Variants in RARB observed in about 807,000 individuals in gnomAD.
RARB encodes retinoic acid receptor beta.
In RARB, 17 loss-of-function variants were observed where a neutral mutation model predicts 51.9. That is an observed-to-expected ratio of 0.33 (90% CI 0.22 to 0.49). The LOEUF (loss-of-function observed/expected upper bound fraction) is 0.49, where lower values mean the gene tolerates loss of function less well. RARB is among the 20% of genes least tolerant of loss of function. The pLI, the probability that RARB is intolerant of heterozygous loss-of-function variation, is 0.99. For missense variants in RARB, 369 were observed against 550.8 expected, an observed-to-expected ratio of 0.67 and a Z score of 3.30; for synonymous variants, 215 against 195.4, an observed-to-expected ratio of 1.10 and a Z score of -0.84.
chr3:24,937,508 T>C (rs1027639483), intron 2 of RARB, among the ~76,000 whole-genome samples: 2 of 152,164 alleles, frequency 1.3e-5, no homozygotes, highest in African/African-American at 4.8e-5. Context: ...GACATAAAAC[T>C]GCTTTCCATT....
At chr3:25,201,993 T>C (rs1313786142) in intron 5 of RARB, among the ~76,000 whole-genome samples, 1 of 152,198 alleles carries the variant, frequency 6.6e-6, no homozygotes, top group Non-Finnish European at 1.5e-5. Context: ...TTGATTGGAA[T>C]AGTTTCAGAA....
chr3:25,197,885 C>T (rs887174532), intron 5 of RARB, among the ~76,000 whole-genome samples: 1 of 151,872 alleles, frequency 6.6e-6, no homozygotes, highest in Admixed American at 6.6e-5. Flanking sequence ...TCAGAGCAAT[C>T]CCTAGCAAAA....
intron 3 of RARB, among the ~76,000 whole-genome samples, chr3:25,098,958 C>T (rs1434016790): frequency 2.0e-5 from 3 of 152,184 alleles, no homozygotes; most frequent in African/African-American, 7.2e-5. Flanking sequence ...TAAGATGCTG[C>T]AGCCTCATGA....
intron 5 of RARB, among the ~76,000 whole-genome samples, chr3:25,286,960 C>T (rs764409129): frequency 3.9e-5 from 6 of 152,186 alleles, no homozygotes; most frequent in South Asian, 4.1e-4. Flanking sequence ...CCCGATCACT[C>T]ATGATGCGCT....
chr3:24,848,364 T>TG (rs1702511615), intron 1 of RARB, among the ~76,000 whole-genome samples: 1 of 152,186 alleles, frequency 6.6e-6, no homozygotes, highest in African/African-American at 2.4e-5. Flanking sequence ...CCTGGCCCTG[T>TG]AAGGTTTTAA....
At chr3:25,298,245 C>T (rs1020613195) in intron 5 of RARB, among the ~76,000 whole-genome samples, 32 of 149,868 alleles carry the variant, frequency 2.1e-4, no homozygotes, top group Admixed American at 4.0e-4. Flanking sequence ...TGCAGTGGTG[C>T]GATCTTGGCT....
rs181694402 is a variant in RARB, at chr3:25,276,685, C to A, written c.178+102110C>A. On this transcript the variant is annotated intron_variant, in intron 5 of 11. Coordinates refer to the RARB transcript ENST00000383772. Reference sequence around the variant, plus strand: ...TAGACATAATGGGCTGAACACTTAGCATAGGAAAGGCCTAAAGAAAAGAAA... The same window carrying A: ...TAGACATAATGGGCTGAACACTTAGAATAGGAAAGGCCTAAAGAAAAGAAA... Among the ~76,000 whole-genome samples, 117 of 152,268 alleles carry A rather than the reference C, an allele frequency of 7.7e-4. 2 individuals are homozygous for A. The East Asian group carries it at 0.019, about 25-fold the overall frequency.
At chr3:25,005,679 T>C (rs1252563720) in intron 2 of RARB, among the ~76,000 whole-genome samples, 3 of 152,092 alleles carry the variant, frequency 2.0e-5, no homozygotes, top group Non-Finnish European at 4.4e-5. Context: ...CCCAATTTAG[T>C]GTGGGAGGGG....
chr3:25,274,260 C>A (rs1213729566), intron 5 of RARB, among the ~76,000 whole-genome samples: 1 of 152,172 alleles, frequency 6.6e-6, no homozygotes, highest in Non-Finnish European at 1.5e-5. Context: ...ACTAAGTGTT[C>A]AAAATCCAGT....
At chr3:25,170,889 A>T (rs956036564) in intron 4 of RARB, among the ~76,000 whole-genome samples, 2 of 152,150 alleles carry the variant, frequency 1.3e-5, no homozygotes, top group African/African-American at 2.4e-5. Flanking sequence ...AGACCCTACC[A>T]CTAAATGTGC....
At chr3:24,875,689 A>T (rs1424216038) in intron 2 of RARB, among the ~76,000 whole-genome samples, 1 of 152,114 alleles carries the variant, frequency 6.6e-6, no homozygotes, top group Non-Finnish European at 1.5e-5. Flanking sequence ...GTTTACCCTC[A>T]TGTTAATACC....
intron 3 of RARB, among the ~76,000 whole-genome samples, chr3:25,077,372 C>G (rs1698891944): frequency 6.6e-6 from 1 of 152,106 alleles, no homozygotes; most frequent in Non-Finnish European, 1.5e-5. Flanking sequence ...TTCTCCTCCC[C>G]TACAGACTGT....
chr3:25,188,884 C>T (rs1701037164), intron 5 of RARB, among the ~76,000 whole-genome samples: 1 of 152,088 alleles, frequency 6.6e-6, no homozygotes, highest in Non-Finnish European at 1.5e-5. Context: ...TAAATGAGGA[C>T]ATTTGGGGAA....
chr3:25,343,671 G>C (rs986961895), intron 5 of RARB, among the ~76,000 whole-genome samples: 1 of 152,048 alleles, frequency 6.6e-6, no homozygotes, highest in Non-Finnish European at 1.5e-5. Context: ...ATACACTAAT[G>C]TATGTTGTAT....
In RARB at chr3:25,272,332, A is replaced by G. The variant is rs551395472; in HGVS notation, c.178+97757A>G. 5.9e-5 allele frequency among the ~76,000 whole-genome samples: 9 copies of G among 152,292 alleles called. No homozygotes were observed. In the South Asian group the frequency reaches 8.3e-4, roughly 14 times the overall value. On this transcript the variant is annotated intron_variant, in intron 5 of 11. Coordinates refer to the RARB transcript ENST00000383772. ...TATGCCATGATCTCCTTTGGACAAC[A>G]TTAAGGTGACTTTGCAACTCACCAT...
chr3:25,365,895 G>C (rs550434989), intron 5 of RARB, among the ~76,000 whole-genome samples: 6 of 152,190 alleles, frequency 3.9e-5, no homozygotes, highest in African/African-American at 4.8e-5. Flanking sequence ...CAACATTTCT[G>C]CCATACCACA....
rs1186484049 is a variant in RARB, at chr3:25,048,953, C to T, written c.-379-11172C>T. Among the ~76,000 whole-genome samples, 7 of 151,982 alleles carry T rather than the reference C, an allele frequency of 4.6e-5. No homozygotes were observed. In the South Asian group the frequency reaches 6.2e-4, roughly 14 times the overall value. On this transcript the variant is annotated intron_variant, in intron 2 of 11. Transcript: ENST00000383772. ...ATTTTTAGTAGAGACGGGGTTTCAC[C>T]GTGTTAGCCAGGATGGTCTCGATCT... is the stretch of plus-strand genomic sequence containing the variant.
intron 1 of RARB, among the ~76,000 whole-genome samples, chr3:24,843,548 C>T (rs969344252): frequency 1.3e-5 from 2 of 152,152 alleles, no homozygotes; most frequent in East Asian, 1.9e-4. Flanking sequence ...TCATTTCCCT[C>T]ATATAGATTT....
chr3:24,904,353 A>C (rs572731687), intron 2 of RARB, among the ~76,000 whole-genome samples: 1 of 152,328 alleles, frequency 6.6e-6, no homozygotes, highest in South Asian at 2.1e-4. Context: ...TAGCCAAAGG[A>C]TATGAACAGA....
Sources: gnomAD v4.1 joint callset for allele counts (sites outside exome capture counted in the v4.1 genomes callset) on GRCh38, gnomAD v4.1.1 for gene constraint, MANE v1.5 for transcripts, NCBI Gene and HGNC (gene_info 2026-07-23, HGNC 2026-07-21) for gene names.